The following ZFYVE28 variants were observed in gnomAD, a reference collection of about 807,000 sequenced individuals.
ZFYVE28 encodes lateral signaling target protein 2 homolog.
Under a neutral mutation model 82.1 loss-of-function variants are expected in ZFYVE28, and 40 were observed. That is an observed-to-expected ratio of 0.49 (90% CI 0.38 to 0.63). The LOEUF (loss-of-function observed/expected upper bound fraction) is 0.63. ZFYVE28 is among the 30% of genes least tolerant of loss of function. The probability of loss-of-function intolerance (pLI) is 0.00; values close to 1 mark genes in which losing one functional copy is unlikely to be tolerated. For missense variants in ZFYVE28, 1,321 were observed against 1,242.1 expected, an observed-to-expected ratio of 1.06 and a Z score of -0.96; for synonymous variants, 612 against 546.1, an observed-to-expected ratio of 1.12 and a Z score of -1.68.
intron 8 of ZFYVE28, among the ~76,000 whole-genome samples, chr4:2,279,631 A>G (rs1391201166): frequency 6.6e-6 from 1 of 151,948 alleles, no homozygotes; most frequent in East Asian, 1.9e-4. Flanking sequence ...TACAAAAAAA[A>G]TTAGCCAGGC....
At chr4:2,280,280 G>C (rs56212350) in intron 8 of ZFYVE28, among the ~76,000 whole-genome samples, 4,444 of 152,278 alleles carry the variant, frequency 0.029, 245 homozygotes, top group African/African-American at 0.1. Context: ...GGCTGAGGCG[G>C]GAGGATCACT....
chr4:2,274,093 G>A lies in ZFYVE28; in HGVS notation c.2175C>T (p.Asp725=). The change falls in exon 9 of 13, where the codon GAC becomes GAT. Residue 725 remains aspartate, a synonymous_variant. Coordinates refer to ENST00000290974, the MANE Select transcript of ZFYVE28 (RefSeq NM_020972.3). ...TGCAGACGAACAGGCGGTGGATGAGGTCGTGGCTGCCGTGGAACCTGGACC... is the reference window on the plus strand; with the variant it reads ...TGCAGACGAACAGGCGGTGGATGAGATCGTGGCTGCCGTGGAACCTGGACC... ...KIRSRFHGSH[D]LIHRLFVCIS... 1 of 1,614,100 alleles carries A rather than the reference G, an allele frequency of 6.2e-7. No individual in the cohort carries two copies. Among genetic ancestry groups the A allele is most frequent in the Non-Finnish European group, 8.5e-7 (1 of 1,180,018 alleles).
Position 2,403,988 on chromosome 4 carries a change from AAAAG to A in ZFYVE28, c.39+14293_39+14296del, listed in dbSNP as rs1419718693. 2.4e-3 allele frequency among the ~76,000 whole-genome samples: 348 copies of A among 142,774 alleles called. 6 individuals carry two copies. The East Asian group carries it at 0.059, about 24-fold the overall frequency. 93.7% of individuals were successfully genotyped at this position (142,774 alleles called of 152,430 possible). A position where few individuals can be genotyped will look rare whatever the true frequency, so the allele number is the denominator to read the frequency against. On this transcript the variant is annotated intron_variant, in intron 1 of 12. Transcript: ENST00000290974. ...CCATTTCGGAAAAAAAAAAAAAAAA[AAAAG>A]AATCACAATGGGGAAAGCAGTTGGC...
At chr4:2,277,653 C>T (rs1560128683) in intron 8 of ZFYVE28, among the ~76,000 whole-genome samples, 1 of 152,164 alleles carries the variant, frequency 6.6e-6, no homozygotes, top group South Asian at 2.1e-4. Context: ...GAATCATACA[C>T]TGAAAACAAC....
chr4:2,304,542 C>T lies in ZFYVE28; in HGVS notation c.1798G>A (p.Ala600Thr). 1 of 1,612,756 alleles carries T rather than the reference C, an allele frequency of 6.2e-7. No individual in the cohort carries two copies. Among genetic ancestry groups the T allele is most frequent in the Non-Finnish European group, 8.5e-7 (1 of 1,179,866 alleles). Residue 600 changes from alanine (A) to threonine (T), a missense_variant, in exon 8 of 13, where the codon GCC becomes ACC. By Grantham distance (58) the Ala-to-Thr change is moderately conservative. Around this residue, in one of 2 missense-constraint regions of ZFYVE28, gnomAD observed 978 missense variants for 833.7 expected, o/e 1.17. Transcript: ENST00000290974. ...TCAGGGGCCCTGTCGCTGGCCTTGG[C>T]TAAGCCGGCAGCGTACGAGGCACCA... is the stretch of plus-strand genomic sequence containing the variant. ...VIGASYAAGL[A>T]KASDRAPERQ...
At chr4:2,337,108 C>T (rs1225537341) in intron 5 of ZFYVE28, among the ~76,000 whole-genome samples, 1 of 151,952 alleles carries the variant, frequency 6.6e-6, no homozygotes, top group African/African-American at 2.4e-5. Flanking sequence ...CCAGAGCCTT[C>T]CAGCTTTTGT....
chr4:2,397,347 A>G (rs995744287), intron 1 of ZFYVE28, among the ~76,000 whole-genome samples: 1 of 151,944 alleles, frequency 6.6e-6, no homozygotes, highest in Non-Finnish European at 1.5e-5. Context: ...ACGTGGCGGC[A>G]CGTGCCTGTA....
intron 8 of ZFYVE28, among the ~76,000 whole-genome samples, chr4:2,276,256 T>A (rs924718790): frequency 6.6e-6 from 1 of 152,202 alleles, no homozygotes; most frequent in African/African-American, 2.4e-5. Flanking sequence ...GTAGGAGGCT[T>A]AGGGGGCCTG....
At chr4:2,319,988 A>C (rs922621604) in intron 7 of ZFYVE28, among the ~76,000 whole-genome samples, 182 bp downstream of exon 7, 30 of 152,272 alleles carry the variant, frequency 2.0e-4, no homozygotes, top group Admixed American at 1.7e-3. Context: ...GCAGGGGCAA[A>C]AGCCAGGACT....
chr4:2,355,640 T>C (rs1293380652), intron 1 of ZFYVE28, among the ~76,000 whole-genome samples: 2 of 152,052 alleles, frequency 1.3e-5, no homozygotes, highest in East Asian at 3.9e-4. Flanking sequence ...TACAGTGGCA[T>C]GAGCATGGCT....
intron 1 of ZFYVE28, among the ~76,000 whole-genome samples, chr4:2,399,053 C>CGTGGAGGTGAGATCCAGGGCACAAGT (rs1560338730): frequency 8.9e-5 from 7 of 78,946 alleles, no homozygotes; most frequent in Non-Finnish European, 1.6e-4. Context: ...AGGGCACAAG[C>CGTGGAGGTGAGATCCAGGGCACAAGT]GTGGAGGTGA....
At chr4:2,306,254 T>C (rs1716551320) in intron 7 of ZFYVE28, among the ~76,000 whole-genome samples, 1 of 152,240 alleles carries the variant, frequency 6.6e-6, no homozygotes, top group Non-Finnish European at 1.5e-5. Context: ...TGGGCTGCTC[T>C]CTGCTGCGAG....
intron 1 of ZFYVE28, among the ~76,000 whole-genome samples, chr4:2,386,752 T>C (rs940726679): frequency 1.1e-4 from 16 of 152,374 alleles, no homozygotes; most frequent in African/African-American, 2.9e-4. Context: ...CAAATGCCTT[T>C]TCTTTATAAA....
At chr4:2,274,642 C>T (rs540485513) in intron 8 of ZFYVE28, among the ~76,000 whole-genome samples, 1 of 152,280 alleles carries the variant, frequency 6.6e-6, no homozygotes, top group South Asian at 2.1e-4. Context: ...AGCCTGTGAA[C>T]GTGACCTCAT....
At chr4:2,414,010 C>T (rs1326595895) in intron 1 of ZFYVE28, among the ~76,000 whole-genome samples, 1 of 152,244 alleles carries the variant, frequency 6.6e-6, no homozygotes, top group East Asian at 1.9e-4. Context: ...CTCTGCACTT[C>T]GGGACCAAAC....
At chr4:2,386,922 A>C (rs1277233006) in intron 1 of ZFYVE28, among the ~76,000 whole-genome samples, 1 of 152,216 alleles carries the variant, frequency 6.6e-6, no homozygotes, top group Non-Finnish European at 1.5e-5. Context: ...GCAGCCTCCT[A>C]GTCCAGTCTT....
chr4:2,287,995 TTA>T (rs1416017303), intron 8 of ZFYVE28, among the ~76,000 whole-genome samples: 3 of 152,110 alleles, frequency 2.0e-5, no homozygotes, highest in Admixed American at 6.5e-5. Context: ...ACGAATTCCT[TTA>T]TGTTTTTCAC....
At chr4:2,290,419 C>T (rs1657988369) in intron 8 of ZFYVE28, among the ~76,000 whole-genome samples, 1 of 152,200 alleles carries the variant, frequency 6.6e-6, no homozygotes, top group Non-Finnish European at 1.5e-5. Context: ...GGCCACTTTG[C>T]CAGTCGTCAT....
At chr4:2,315,754 A>G (rs563027718) in intron 7 of ZFYVE28, among the ~76,000 whole-genome samples, 22 of 152,120 alleles carry the variant, frequency 1.4e-4, no homozygotes, top group Non-Finnish European at 3.1e-4. Context: ...ATACCCAGGT[A>G]TGCTGGTTGG....
Sources: gnomAD v4.1 joint callset for allele counts (sites outside exome capture counted in the v4.1 genomes callset) on GRCh38, gnomAD v4.1.1 for gene constraint, gnomAD v4.1.1 regional missense constraint, MANE v1.5 for transcripts, NCBI Gene and HGNC (gene_info 2026-07-23, HGNC 2026-07-21) for gene names.